YEATS2: variants seen among roughly 807,000 people sequenced by gnomAD.
YEATS2 encodes YEATS domain containing 2.
A neutral mutation model predicts 163.2 loss-of-function variants in YEATS2; 77 were observed. The observed-to-expected ratio is 0.47, with a 90% CI of 0.39 to 0.57. YEATS2 has a LOEUF of 0.57. YEATS2 is among the 20% of genes least tolerant of loss of function. The probability of loss-of-function intolerance (pLI) is 0.00; values close to 1 mark genes in which losing one functional copy is unlikely to be tolerated. For missense variants in YEATS2, 1,549 were observed against 1,729.8 expected (o/e 0.90, Z 1.85); for synonymous variants, 631 against 645.1 (o/e 0.98, Z 0.33).
chr3:183,727,324 A>G lies in YEATS2; in HGVS notation c.651-1366A>G, dbSNP rs369634761. Among the ~76,000 whole-genome samples the G allele has an allele frequency of 1.4e-4, 22 of 152,368 alleles. 1 individual carries two copies. Among genetic ancestry groups the G allele is most frequent in the Admixed American group, 5.9e-4 (9 of 15,302 alleles). ...GAGATAAGAAACTATTAACTTCTTT[A>G]TGCCAATACATTGAAAAATTTAGAT... On this transcript the variant is annotated intron_variant, in intron 6 of 30. Coordinates refer to ENST00000305135, the MANE Select transcript of YEATS2 (RefSeq NM_018023.5).
At chr3:183,700,388 G>T (rs1288778414) in intron 1 of YEATS2, among the ~76,000 whole-genome samples, 1 of 151,944 alleles carries the variant, frequency 6.6e-6, no homozygotes, top group Admixed American at 6.6e-5. Flanking sequence ...AGAAATAGTT[G>T]GTCCTGTCCT....
chr3:183,786,855 A>G (rs913604375), intron 20 of YEATS2, among the ~76,000 whole-genome samples: 3 of 152,218 alleles, frequency 2.0e-5, no homozygotes, highest in Non-Finnish European at 2.9e-5. Context: ...ACTGTTGTGA[A>G]TAATGCTGCA....
intron 22 of YEATS2, among the ~76,000 whole-genome samples, chr3:183,798,629 C>T (rs764230943): frequency 1.3e-5 from 2 of 152,202 alleles, no homozygotes; most frequent in Non-Finnish European, 2.9e-5. Context: ...GCTGGGATTA[C>T]AGGTGTGAGC....
intron 15 of YEATS2, among the ~76,000 whole-genome samples, chr3:183,770,860 A>C (rs886612364): frequency 6.6e-6 from 1 of 152,196 alleles, no homozygotes; most frequent in African/African-American, 2.4e-5. Flanking sequence ...TATTTTTAGT[A>C]TGACCTTTCG....
At chr3:183,735,868 C>G (rs1718286208) in intron 7 of YEATS2, among the ~76,000 whole-genome samples, 1 of 152,084 alleles carries the variant, frequency 6.6e-6, no homozygotes, top group Non-Finnish European at 1.5e-5. Flanking sequence ...TTGATATCTT[C>G]TCTCATTACT....
chr3:183,782,119 AT>A (rs1344339650), intron 19 of YEATS2, among the ~76,000 whole-genome samples: 37 of 151,414 alleles, frequency 2.4e-4, no homozygotes, highest in African/African-American at 8.7e-4. Flanking sequence ...TAATTTTTTA[AT>A]TTTTTTGAGA....
chr3:183,745,056 G>GTCAGGCTGGTCTCAAACTCT (rs1719383271), intron 8 of YEATS2, among the ~76,000 whole-genome samples: 1 of 152,126 alleles, frequency 6.6e-6, no homozygotes, highest in Non-Finnish European at 1.5e-5. Flanking sequence ...CACCATGTTG[G>GTCAGGCTGGTCTCAAACTCT]TCAGGCTGGT....
At chr3:183,722,415 A>C (rs921371518) in intron 5 of YEATS2, among the ~76,000 whole-genome samples, 2 of 150,468 alleles carry the variant, frequency 1.3e-5, no homozygotes, top group African/African-American at 4.9e-5. Context: ...CAGCCTCCTG[A>C]GTAGCTGAGA....
In YEATS2 at chr3:183,705,345, C is replaced by T. The variant is rs2006769; in HGVS notation, c.-20+7352C>T. ...GATTACAAGCGTGAGCCACCACGCC[C>T]GGCCTATCATCTGTATTTTTATAAA... On this transcript the variant is annotated intron_variant, in intron 1 of 30. Transcript: ENST00000305135. 2.3e-3 allele frequency among the ~76,000 whole-genome samples: 353 copies of T among 152,214 alleles called. 2 individuals carry two copies. The highest frequency in any genetic ancestry group is 7.9e-3 in the African/African-American group (328 of 41,532).
chr3:183,740,570 A>G (rs962072240), intron 8 of YEATS2, among the ~76,000 whole-genome samples: 41 of 152,270 alleles, frequency 2.7e-4, no homozygotes, highest in East Asian at 1.9e-3. Flanking sequence ...GCCAAATGCT[A>G]TTCTAGGGCA....
Position 183,781,287 on chromosome 3 carries a change from GCA to G in YEATS2, c.2736+3588_2736+3589del, listed in dbSNP as rs1723534991. Among the ~76,000 whole-genome samples the G allele has an allele frequency of 2.0e-5, 3 of 152,120 alleles. No homozygotes were observed. In the South Asian group the frequency reaches 6.2e-4, roughly 32 times the overall value. On this transcript the variant is annotated intron_variant, in intron 19 of 30. Coordinates refer to ENST00000305135, the MANE Select transcript of YEATS2 (RefSeq NM_018023.5). ...GGGCATGGGAGTGAGGGGCACACTG[GCA>G]TTAAGTCCTGGAGTCTGAAGGCCTG...
chr3:183,809,787 TA>T (rs1240454910), intron 30 of YEATS2, among the ~76,000 whole-genome samples: 1 of 152,234 alleles, frequency 6.6e-6, no homozygotes, highest in Non-Finnish European at 1.5e-5. Context: ...AAACAAATAT[TA>T]TTTTATTGCA....
chr3:183,790,853 TG>T lies in YEATS2; in HGVS notation c.2973del (p.Gln992SerfsTer6). 6.2e-7 allele frequency: 1 copy of T among 1,614,190 alleles called. No homozygotes were observed. Among genetic ancestry groups the T allele is most frequent in the Non-Finnish European group, 8.5e-7 (1 of 1,180,036 alleles). ...STVSSVTKTS[G>X]QQQVCVSQAT... is the part of the protein sequence containing the mutation. The stretch of plus-strand genomic sequence containing the variant: ...CGGTCAGTTCTGTAACGAAAACTTC[TG>T]GGCAGCAGCAAGTGTGTGTGAGCCA... On this transcript the variant is annotated frameshift_variant, in exon 21 of 31. Transcript: ENST00000305135. LOFTEE classifies it high-confidence loss of function.
At chr3:183,722,958 T>C (rs1339662612) in intron 5 of YEATS2, among the ~76,000 whole-genome samples, 2 of 152,248 alleles carry the variant, frequency 1.3e-5, no homozygotes, top group African/African-American at 4.8e-5. Flanking sequence ...GACTTAAACC[T>C]GAGTGTTTCT....
chr3:183,793,260 T>C, intron 21 of YEATS2: 1 of 1,180,378 alleles, frequency 8.5e-7, no homozygotes. Flanking sequence ...GTCATTACTA[T>C]TATTACTTCA....
At chr3:183,707,087 T>G (rs953665695) in intron 1 of YEATS2, among the ~76,000 whole-genome samples, 1 of 152,238 alleles carries the variant, frequency 6.6e-6, no homozygotes, top group Non-Finnish European at 1.5e-5. Flanking sequence ...TTCCCAAAGA[T>G]ATCTTACTAT....
Position 183,811,504 on chromosome 3 carries a change from C to T in YEATS2, c.*921C>T, listed in dbSNP as rs568502835. On this transcript the variant is annotated 3_prime_UTR_variant, in exon 31 of 31. Transcript: ENST00000305135. ...ATCCGTGGATTGTATATACTCTTCT[C>T]TGTTAAGGAGTTTTTCCCAAGAAGA... 6.5e-6 allele frequency: 1 copy of T among 152,754 alleles called. No homozygotes were observed. The highest frequency in any genetic ancestry group is 1.9e-4 in the East Asian group (1 of 5,178). 9.5% of individuals were successfully genotyped at this position (152,754 alleles called of 1,614,324 possible). A position where few individuals can be genotyped will look rare whatever the true frequency, so the allele number is the denominator to read the frequency against.
At chr3:183,780,674 T>C (rs1723483747) in intron 19 of YEATS2, among the ~76,000 whole-genome samples, 1 of 152,168 alleles carries the variant, frequency 6.6e-6, no homozygotes, top group South Asian at 2.1e-4. Context: ...GCAAAGACTA[T>C]TAGGAATATG....
chr3:183,723,262 C>T (rs1362424256), intron 5 of YEATS2, among the ~76,000 whole-genome samples: 1 of 152,318 alleles, frequency 6.6e-6, no homozygotes, highest in Middle Eastern at 3.4e-3. Flanking sequence ...TCAAGCTACT[C>T]TGAACTTCTT....
Sources: allele counts gnomAD v4.1 joint callset (sites outside exome capture counted in the v4.1 genomes callset), GRCh38; gene constraint gnomAD v4.1.1; transcripts MANE v1.5; gene names NCBI Gene and HGNC (gene_info 2026-07-23, HGNC 2026-07-21).